The following ERC1 variants were observed in gnomAD, a reference collection of about 807,000 sequenced individuals.
The protein encoded by ERC1 is RAB6 interacting protein 2.
A neutral mutation model predicts 132.0 loss-of-function variants in ERC1; 56 were observed. The observed-to-expected ratio is 0.42, with a 90% confidence interval of 0.34 to 0.53. The LOEUF is 0.53. ERC1 is among the 20% of genes least tolerant of loss of function. ERC1 has a pLI of 0.03. For missense variants in ERC1, 1,202 were observed against 1,349.9 expected (o/e 0.89, Z 1.72); for synonymous variants, 478 against 476.1 (o/e 1.00, Z -0.05).
intron 4 of ERC1, among the ~76,000 whole-genome samples, chr12:1,106,205 T>G (rs1352260911): frequency 6.6e-6 from 1 of 152,242 alleles, no homozygotes; most frequent in East Asian, 1.9e-4. Flanking sequence ...AGGTTTAAAT[T>G]AGTTAAAACA....
At chr12:1,261,804 A>G (rs1420987866) in intron 13 of ERC1, among the ~76,000 whole-genome samples, 1 of 152,216 alleles carries the variant, frequency 6.6e-6, no homozygotes, top group Non-Finnish European at 1.5e-5. Context: ...AAAACTTGTA[A>G]CATGAACATC....
At chr12:1,411,935 A>G (rs2091876549) in intron 17 of ERC1, among the ~76,000 whole-genome samples, 1 of 152,170 alleles carries the variant, frequency 6.6e-6, no homozygotes, top group African/African-American at 2.4e-5. Context: ...TGTTCCTGAA[A>G]TCTTCATTTT....
In ERC1 at chr12:1,491,351, A is replaced by G. The variant is rs2094316874; in HGVS notation, c.*1121A>G. 1 of 231,154 alleles carries G rather than the reference A, an allele frequency of 4.3e-6. No homozygotes were observed. Among genetic ancestry groups the G allele is most frequent in the African/African-American group, 2.2e-5 (1 of 45,242 alleles). The allele number at this position is 231,154 out of a possible 1,614,324, so 14.3% of individuals were successfully genotyped here. ...GCATTGCCTGGAACCTTCTTCTAGC[A>G]TAAATGAAGGTTTTTCCTCCTACAC... On this transcript the variant is annotated 3_prime_UTR_variant, in exon 19 of 19. Coordinates refer to ENST00000360905, the MANE Select transcript of ERC1 (RefSeq NM_178040.4).
intron 16 of ERC1, among the ~76,000 whole-genome samples, chr12:1,401,348 T>C (rs967948121): frequency 6.6e-6 from 1 of 152,128 alleles, no homozygotes; most frequent in African/African-American, 2.4e-5. Context: ...GAAGAAGAAA[T>C]GCTGTAGCAA....
chr12:1,271,084 G>A (rs371883096), intron 14 of ERC1, among the ~76,000 whole-genome samples: 3 of 151,984 alleles, frequency 2.0e-5, no homozygotes, highest in African/African-American at 7.2e-5. Context: ...AATTTTCGAC[G>A]TAAAACATTT....
chr12:1,427,133 A>G (rs1167057106), intron 17 of ERC1, among the ~76,000 whole-genome samples: 1 of 152,176 alleles, frequency 6.6e-6, no homozygotes, highest in Non-Finnish European at 1.5e-5. Context: ...TTCCAGAACC[A>G]GATGACCATC....
intron 1 of ERC1, among the ~76,000 whole-genome samples, chr12:1,021,000 C>T (rs752816806): frequency 5.0e-4 from 76 of 152,230 alleles, no homozygotes; most frequent in African/African-American, 1.5e-3. Context: ...AGTGCAGTGG[C>T]GCAGTCTGGG....
intron 15 of ERC1, among the ~76,000 whole-genome samples, chr12:1,353,291 A>C (rs923394521): frequency 6.6e-6 from 1 of 152,082 alleles, no homozygotes; most frequent in Admixed American, 6.5e-5. Flanking sequence ...CGGCCTCCCA[A>C]AGTACTGGGA....
chr12:1,097,466 G>A (rs527763397), intron 3 of ERC1, among the ~76,000 whole-genome samples: 169 of 152,236 alleles, frequency 1.1e-3, no homozygotes, highest in Non-Finnish European at 2.0e-3. Flanking sequence ...TCTACTAAAT[G>A]CCTCTGCTGT....
intron 8 of ERC1, among the ~76,000 whole-genome samples, chr12:1,165,702 G>A (rs1357588998): frequency 3.3e-5 from 5 of 152,186 alleles, no homozygotes; most frequent in African/African-American, 1.2e-4. Context: ...GGGGGATAAA[G>A]CAAGATACAT....
At chr12:1,271,972 A>T (rs1276221718) in intron 14 of ERC1, among the ~76,000 whole-genome samples, 1 of 152,168 alleles carries the variant, frequency 6.6e-6, no homozygotes, top group Non-Finnish European at 1.5e-5. Flanking sequence ...TAGGTACAGA[A>T]ATTTTTACAC....
At chr12:1,409,142 G>C (rs1337421043) in intron 17 of ERC1, among the ~76,000 whole-genome samples, 1 of 152,228 alleles carries the variant, frequency 6.6e-6, no homozygotes, top group East Asian at 1.9e-4. Flanking sequence ...TCAAATTGCT[G>C]TTGCTTCCAA....
rs1195012268 is a variant in ERC1, at chr12:1,374,811, AGGACAGGCTGGGATT to A, written c.2925+2835_2925+2849del. Among the ~76,000 whole-genome samples, 200 of 145,234 alleles carry A rather than the reference AGGACAGGCTGGGATT, an allele frequency of 1.4e-3. 1 individual carries two copies. The highest frequency in any genetic ancestry group is 3.7e-3 in the Middle Eastern group (1 of 270). On this transcript the variant is annotated intron_variant, in intron 16 of 18. Transcript: ENST00000360905. ...GTGTTATAGGCAGGCTGGGCTTTTC[AGGACAGGCTGGGATT>A]TTTTTTTTTTTTTTTTTTTTCTGTT...
At chr12:1,003,066 C>T (rs1338839485) in intron 1 of ERC1, among the ~76,000 whole-genome samples, 15 of 88,044 alleles carry the variant, frequency 1.7e-4, no homozygotes, top group African/African-American at 6.6e-4. Flanking sequence ...GCCTGGGCAA[C>T]ATAGTGAAAC....
At chr12:1,410,644 CTT>C (rs200087458) in intron 17 of ERC1, among the ~76,000 whole-genome samples, 3 of 126,896 alleles carry the variant, frequency 2.4e-5, no homozygotes, top group Non-Finnish European at 1.7e-5. Flanking sequence ...GATTTTGTGG[CTT>C]TTTTTTTTTT....
At chr12:1,043,792 C>G (rs1305899242) in intron 2 of ERC1, among the ~76,000 whole-genome samples, 1 of 151,862 alleles carries the variant, frequency 6.6e-6, no homozygotes, top group African/African-American at 2.4e-5. Flanking sequence ...GTAACTTTAC[C>G]TAGAACTTTT....
chr12:1,320,891 C>T (rs1246535810), intron 15 of ERC1, among the ~76,000 whole-genome samples: 2 of 151,996 alleles, frequency 1.3e-5, no homozygotes, highest in South Asian at 2.1e-4. Context: ...TTAGTAGAGA[C>T]GGGGTTTCAC....
In ERC1 at chr12:1,452,608, A is replaced by G. The variant is rs1222269352; in HGVS notation, c.3213+7858A>G. 2.6e-5 allele frequency among the ~76,000 whole-genome samples: 4 copies of G among 151,500 alleles called. No homozygotes were observed. In the East Asian group the frequency reaches 7.7e-4, roughly 29 times the overall value. On this transcript the variant is annotated intron_variant, in intron 18 of 18. Transcript: ENST00000360905. The stretch of plus-strand genomic sequence containing the variant: ...TTTGATATTGTCCCATATCTCTTGG[A>G]TTTCTGTTTTGTTTTGTTTTCTATA...
At chr12:1,114,301 G>A (rs1403172771) in intron 6 of ERC1, among the ~76,000 whole-genome samples, 1 of 152,146 alleles carries the variant, frequency 6.6e-6, no homozygotes, top group Non-Finnish European at 1.5e-5. Flanking sequence ...GATTACAGGC[G>A]TGAGCCACTG....
Sources: gnomAD v4.1 joint callset for allele counts (sites outside exome capture counted in the v4.1 genomes callset) on GRCh38, gnomAD v4.1.1 for gene constraint, MANE v1.5 for transcripts, NCBI Gene and HGNC (gene_info 2026-07-23, HGNC 2026-07-21) for gene names.